PPP1R9B: variants seen among roughly 807,000 people sequenced by gnomAD.
The protein encoded by PPP1R9B is neurabin-2.
PPP1R9B carries 17 observed loss-of-function variants against 75.8 expected under a neutral mutation model. That is an observed-to-expected ratio of 0.22 (90% CI 0.15 to 0.34). The LOEUF (loss-of-function observed/expected upper bound fraction) is 0.34. Among genes scored for constraint, PPP1R9B ranks in the 10% least tolerant of loss-of-function variants. The pLI, the probability that PPP1R9B is intolerant of heterozygous loss-of-function variation, is 1.00. For synonymous variants in PPP1R9B, 509 were observed against 535.4 expected, an observed-to-expected ratio of 0.95 and a Z score of 0.68; for missense variants, 875 against 1,196.0, an observed-to-expected ratio of 0.73 and a Z score of 3.96.
intron 8 of PPP1R9B, 21 bp downstream of exon 8, chr17:50,135,947 G>T: frequency 1.2e-5 from 7 of 568,334 alleles, no homozygotes; most frequent in Non-Finnish European, 1.9e-5. Context: ...GGCCCAGCCC[G>T]CCCAGCCCCC....
Position 50,145,250 on chromosome 17 carries a change from G to A in PPP1R9B, c.1372-5C>T, listed in dbSNP as rs763118276. On this transcript the variant is annotated splice_polypyrimidine_tract_variant and splice_region_variant and intron_variant, in intron 1 of 9. Coordinates refer to ENST00000612501, the MANE Select transcript of PPP1R9B (RefSeq NM_032595.5). ...GTTGGAGTAAGTGCTGAACACCTGG[G>A]GAGGGAGGCAGCTGGTCAGAGAGGC... 26 of 1,613,170 alleles carry A rather than the reference G, an allele frequency of 1.6e-5. No individual in the cohort carries two copies. The highest frequency in any genetic ancestry group is 1.0e-4 in the Admixed American group (6 of 60,012).
At chr17:50,147,723 G>T (rs1435766978) in intron 1 of PPP1R9B, among the ~76,000 whole-genome samples, 1 of 152,086 alleles carries the variant, frequency 6.6e-6, no homozygotes, top group African/African-American at 2.4e-5. Flanking sequence ...ATTCCCTTCA[G>T]AACCCCACTG....
chr17:50,135,472 C>T, intron 9 of PPP1R9B, 81 bp downstream of exon 9: 1 of 1,579,748 alleles, frequency 6.3e-7, no homozygotes, highest in Non-Finnish European at 8.7e-7. Flanking sequence ...CATGGCATCC[C>T]CTCCCTCCAG....
rs568219160 is a variant in PPP1R9B, at chr17:50,150,073, C to T, written c.441G>A (p.Thr147=). The T allele has an allele frequency of 6.9e-7, 1 of 1,440,404 alleles. No individual in the cohort carries two copies. The highest frequency in any genetic ancestry group is 9.1e-7 in the Non-Finnish European group (1 of 1,103,950). 89.2% of individuals were successfully genotyped at this position (1,440,404 alleles called of 1,614,324 possible). A position where few individuals can be genotyped will look rare whatever the true frequency, so the allele number is the denominator to read the frequency against. The change falls in exon 1 of 10, where the codon ACG becomes ACA. Residue 147 remains threonine, a synonymous_variant. Transcript: ENST00000612501. This position sits in a 1 kb window ranked among gnomAD's most constrained non-coding sequence, Gnocchi z 8.7. ...PPHPPSRLQE[T]RKLFERSAPA... ...GGGCGCTCCGTTCGAACAGCTTCCGCGTCTCCTGCAGCCGGGACGGCGGGT... is the reference window on the plus strand; with the variant it reads ...GGGCGCTCCGTTCGAACAGCTTCCGTGTCTCCTGCAGCCGGGACGGCGGGT...
Position 50,135,388 on chromosome 17 carries a change from GA to G in PPP1R9B, c.2401-5del, listed in dbSNP as rs549464334. The G allele has an allele frequency of 8.2e-5, 133 of 1,613,556 alleles. No individual in the cohort carries two copies. The African/African-American group carries it at 1.7e-3, about 21-fold the overall frequency. On this transcript the variant is annotated splice_region_variant and splice_polypyrimidine_tract_variant and intron_variant, in intron 9 of 9. Transcript: ENST00000612501. ...AGTTTCCTTCCAGTTCTGAGATCTG[GA>G]AAACAAAGGAGGGTAGGGGGTCAGG...
intron 1 of PPP1R9B, among the ~76,000 whole-genome samples, chr17:50,147,831 C>G (rs1912553622): frequency 6.6e-6 from 1 of 152,040 alleles, no homozygotes; most frequent in Admixed American, 6.5e-5. Context: ...TTTCAGGCCT[C>G]TTGCTGGGGT....
chr17:50,144,964 C>T (rs940207559), intron 2 of PPP1R9B, 149 bp downstream of exon 2: 61 of 969,020 alleles, frequency 6.3e-5, no homozygotes, highest in Admixed American at 8.0e-5. Context: ...AAGGGAGGAG[C>T]GGGGAAGGTC....
chr17:50,149,109 G>T lies in PPP1R9B; in HGVS notation c.1371+34C>A. The T allele has an allele frequency of 7.3e-7, 1 of 1,377,480 alleles. No homozygotes were observed. Among genetic ancestry groups the T allele is most frequent in the Non-Finnish European group, 9.4e-7 (1 of 1,062,076 alleles). The allele number at this position is 1,377,480 out of a possible 1,614,324, so 85.3% of individuals were successfully genotyped here. On this transcript the variant is annotated intron_variant, in intron 1 of 9. Transcript: ENST00000612501. The surrounding 1 kb of genome is among the most constrained non-coding windows in gnomAD (Gnocchi z 7.2). ...GGGCGGCCGCGTGCACGTGGCAGGGGCGGCGCGGGGGCAGGGCGGGGGGGC... is the reference window on the plus strand; with the variant it reads ...GGGCGGCCGCGTGCACGTGGCAGGGTCGGCGCGGGGGCAGGGCGGGGGGGC...
intron 1 of PPP1R9B, among the ~76,000 whole-genome samples, chr17:50,147,049 C>T (rs530157799): frequency 2.0e-5 from 3 of 152,338 alleles, no homozygotes; most frequent in Non-Finnish European, 4.4e-5. Context: ...CATGGACACA[C>T]ACGCCCGCTG....
chr17:50,135,652 G>A lies in PPP1R9B; in HGVS notation c.2304-3C>T. 1 of 1,601,834 alleles carries A rather than the reference G, an allele frequency of 6.2e-7. No individual in the cohort carries two copies. Among genetic ancestry groups the A allele is most frequent in the Non-Finnish European group, 8.5e-7 (1 of 1,173,672 alleles). On this transcript the variant is annotated splice_region_variant and splice_polypyrimidine_tract_variant and intron_variant, in intron 8 of 9. Coordinates refer to ENST00000612501, the MANE Select transcript of PPP1R9B (RefSeq NM_032595.5). Reference sequence around the variant, plus strand: ...CCTTTTTCAGGAACTCGATCTCCCTGGGCACAGGCAAGGGACAGATGGCAG... The same window carrying A: ...CCTTTTTCAGGAACTCGATCTCCCTAGGCACAGGCAAGGGACAGATGGCAG...
At chr17:50,145,284 G>A (rs1377759256) in intron 1 of PPP1R9B, 39 bp from the exon 2 acceptor site, 2 of 1,609,622 alleles carry the variant, frequency 1.2e-6, no homozygotes, top group Non-Finnish European at 1.7e-6. Context: ...GCCGGCAGGA[G>A]GACAAGTGCA....
In PPP1R9B at chr17:50,149,380, C is replaced by T. The variant is rs375286671; in HGVS notation, c.1134G>A (p.Glu378=). ...AGTCCTCCTTCTTGGATTCATCTAC[C>T]TCCTCAGGGGCCACGTCCGGGGCCC... ...NGRAPDVAPE[E]VDESKKEDFS... is the part of the protein sequence containing the mutation. Residue 378 remains glutamate, a synonymous_variant, in exon 1 of 10, where the codon GAG becomes GAA. Coordinates refer to ENST00000612501, the MANE Select transcript of PPP1R9B (RefSeq NM_032595.5). This position sits in a 1 kb window ranked among gnomAD's most constrained non-coding sequence, Gnocchi z 7.2. 1.1e-5 allele frequency: 17 copies of T among 1,613,006 alleles called. No individual in the cohort carries two copies. The highest frequency in any genetic ancestry group is 4.4e-5 in the South Asian group (4 of 91,048).
In PPP1R9B at chr17:50,149,713, G is replaced by A. The variant is rs1281651964; in HGVS notation, c.801C>T (p.Ala267=). Residue 267 remains alanine, a synonymous_variant, in exon 1 of 10, where the codon GCC becomes GCT. Coordinates refer to ENST00000612501, the MANE Select transcript of PPP1R9B (RefSeq NM_032595.5). This position sits in a 1 kb window ranked among gnomAD's most constrained non-coding sequence, Gnocchi z 7.2. The part of the protein sequence containing the change: ...PPPAPSGDAP[A]EKERCPAGQQ... ...GCCCTGCGGGGCATCGCTCTTTCTC[G>A]GCCGGGGCATCCCCCGACGGGGCGG... 1 of 1,412,666 alleles carries A rather than the reference G, an allele frequency of 7.1e-7. No individual in the cohort carries two copies. Among genetic ancestry groups the A allele is most frequent in the Non-Finnish European group, 9.2e-7 (1 of 1,092,054 alleles). 87.5% of individuals were successfully genotyped at this position (1,412,666 alleles called of 1,614,324 possible). A position where few individuals can be genotyped will look rare whatever the true frequency, so the allele number is the denominator to read the frequency against.
rs1187396500 is a variant in PPP1R9B, at chr17:50,145,698, G to A, written c.1372-453C>T. 3.3e-5 allele frequency among the ~76,000 whole-genome samples: 5 copies of A among 151,870 alleles called. No homozygotes were observed. In the East Asian group the frequency reaches 7.7e-4, roughly 24 times the overall value. ...AGGGGAAGAGGAGGAGGGGAGAGAG[G>A]ATGGAGAAGATGCTGGAGAATGCCA... On this transcript the variant is annotated intron_variant, in intron 1 of 9. Transcript: ENST00000612501.
intron 1 of PPP1R9B, among the ~76,000 whole-genome samples, chr17:50,148,341 C>T (rs535372535): frequency 1.3e-4 from 20 of 152,236 alleles, no homozygotes; most frequent in Admixed American, 1.3e-4. Flanking sequence ...GGAGTCTGTC[C>T]TATTGAGCAG....
At chr17:50,145,566 C>T (rs1912492623) in intron 1 of PPP1R9B, among the ~76,000 whole-genome samples, 1 of 152,070 alleles carries the variant, frequency 6.6e-6, no homozygotes, top group Non-Finnish European at 1.5e-5. Context: ...ACTCAGGAAC[C>T]CAGACACCCA....
chr17:50,141,195 T>G (rs1414608810), intron 4 of PPP1R9B, 74 bp downstream of exon 4: 24 of 988,510 alleles, frequency 2.4e-5, no homozygotes, highest in Non-Finnish European at 3.5e-5. Flanking sequence ...TAACTGGCTG[T>G]TAAGGCAGGT....
intron 7 of PPP1R9B, among the ~76,000 whole-genome samples, chr17:50,136,917 AAC>A (rs1312022595): frequency 6.6e-6 from 1 of 152,110 alleles, no homozygotes; most frequent in Non-Finnish European, 1.5e-5. Flanking sequence ...CAGCTGCACA[AAC>A]CTATGCCTCC....
rs1482483021 is a variant in PPP1R9B, at chr17:50,143,662, G to A, written c.1561C>T (p.Leu521=). 1.2e-6 allele frequency: 2 copies of A among 1,613,898 alleles called. No homozygotes were observed. Among genetic ancestry groups the A allele is most frequent in the Non-Finnish European group, 1.7e-6 (2 of 1,179,894 alleles). The part of the protein sequence containing the change: ...IGMGAGADMG[L]EKLGIFVKTV... ...TTGACGAAGATACCCAGCTTCTCCA[G>A]GCCCATGTCTGCCCCGGCGCCCATG... is the stretch of plus-strand genomic sequence containing the variant. Residue 521 remains leucine, a synonymous_variant, in exon 3 of 10, where the codon CTG becomes TTG. Coordinates refer to ENST00000612501, the MANE Select transcript of PPP1R9B (RefSeq NM_032595.5).
Sources: allele counts gnomAD v4.1 joint callset (sites outside exome capture counted in the v4.1 genomes callset), GRCh38; gene constraint gnomAD v4.1.1; non-coding constraint Gnocchi (gnomAD v3.1); transcripts MANE v1.5; gene names NCBI Gene and HGNC (gene_info 2026-07-23, HGNC 2026-07-21).